Variants in ITGA8 observed in about 807,000 individuals in gnomAD.
The protein encoded by ITGA8 is integrin alpha-8.
In ITGA8, 91 loss-of-function variants were observed where a neutral mutation model predicts 142.3. The observed-to-expected ratio is 0.64, with a 90% confidence interval of 0.54 to 0.76. ITGA8 has a LOEUF of 0.76. Among genes scored for constraint, ITGA8 ranks in the 30% least tolerant of loss-of-function variants. The pLI, the probability that ITGA8 is intolerant of heterozygous loss-of-function variation, is 0.00. For missense variants in ITGA8, 1,406 were observed against 1,327.7 expected, an observed-to-expected ratio of 1.06 and a Z score of -0.92; for synonymous variants, 505 against 485.2, an observed-to-expected ratio of 1.04 and a Z score of -0.54.
chr10:15,646,182 G>A (rs928479358), intron 12 of ITGA8, among the ~76,000 whole-genome samples: 4 of 152,164 alleles, frequency 2.6e-5, no homozygotes, highest in African/African-American at 7.2e-5. Flanking sequence ...TTGCTTGGAC[G>A]TCAGAGCAAT....
chr10:15,531,806 A>C (rs1002240991), intron 27 of ITGA8, among the ~76,000 whole-genome samples: 2 of 151,572 alleles, frequency 1.3e-5, no homozygotes, highest in South Asian at 4.2e-4. Context: ...ATAGCTTGGC[A>C]TAGTGGCAAG....
At chr10:15,602,737 CA>C (rs10667953) in intron 20 of ITGA8, among the ~76,000 whole-genome samples, 37 of 148,846 alleles carry the variant, frequency 2.5e-4, no homozygotes, top group East Asian at 7.9e-4. Flanking sequence ...GACCCTGTCT[CA>C]AAAAAAAAAA....
At chr10:15,648,492 AATACT>A (rs1373151951) in intron 11 of ITGA8, among the ~76,000 whole-genome samples, 1 of 150,108 alleles carries the variant, frequency 6.7e-6, no homozygotes, top group East Asian at 1.9e-4. Context: ...GTCAAGAAAC[AATACT>A]ATATTAATAT....
At chr10:15,519,037 C>T (rs528726641) in intron 29 of ITGA8, among the ~76,000 whole-genome samples, 1 of 152,196 alleles carries the variant, frequency 6.6e-6, no homozygotes, top group East Asian at 1.9e-4. Context: ...GCCTAACTCT[C>T]TCTACATTTA....
intron 8 of ITGA8, among the ~76,000 whole-genome samples, chr10:15,666,641 T>C: frequency 6.6e-6 from 1 of 152,220 alleles, no homozygotes; most frequent in East Asian, 1.9e-4. Flanking sequence ...TTCAGTATGA[T>C]ATTGGCTGTG....
At chr10:15,531,486 G>T (rs1052524291) in intron 27 of ITGA8, among the ~76,000 whole-genome samples, 2 of 126,252 alleles carry the variant, frequency 1.6e-5, no homozygotes, top group African/African-American at 5.9e-5. Flanking sequence ...TGTATAATAA[G>T]GTTAAAATAA....
chr10:15,547,002 A>G (rs1352969141), intron 27 of ITGA8, among the ~76,000 whole-genome samples: 1 of 152,164 alleles, frequency 6.6e-6, no homozygotes, highest in Non-Finnish European at 1.5e-5. Context: ...TAAATCATAG[A>G]AAACATAAAA....
chr10:15,582,544 T>C (rs1834428269), intron 23 of ITGA8, among the ~76,000 whole-genome samples: 1 of 152,176 alleles, frequency 6.6e-6, no homozygotes, highest in Non-Finnish European at 1.5e-5. Context: ...GTAAATGGCT[T>C]TGTATACAGA....
At chr10:15,565,994 C>A (rs1322684836) in intron 25 of ITGA8, among the ~76,000 whole-genome samples, 1 of 151,936 alleles carries the variant, frequency 6.6e-6, no homozygotes, top group Non-Finnish European at 1.5e-5. Flanking sequence ...CGAGCGCCTG[C>A]ATTCTGAATT....
chr10:15,558,307 A>G, intron 25 of ITGA8, 105 bp from the exon 26 acceptor site: 3 of 1,333,744 alleles, frequency 2.2e-6, no homozygotes, highest in African/African-American at 2.9e-5. Flanking sequence ...GTGGAATATG[A>G]TTCACATGAG....
At chr10:15,658,084 A>G (rs1459446652) in intron 10 of ITGA8, among the ~76,000 whole-genome samples, 2 of 152,238 alleles carry the variant, frequency 1.3e-5, no homozygotes, top group African/African-American at 4.8e-5. Context: ...AGGAGTTGTT[A>G]TGTGCCAGGG....
chr10:15,532,416 C>A (rs1315473240), intron 27 of ITGA8, among the ~76,000 whole-genome samples: 1 of 56,136 alleles, frequency 1.8e-5, no homozygotes, highest in Non-Finnish European at 3.2e-5. Context: ...GAGACTCCCT[C>A]TCAAAAAAAA....
intron 27 of ITGA8, among the ~76,000 whole-genome samples, chr10:15,543,876 C>T (rs527853919): frequency 3.9e-5 from 6 of 152,054 alleles, no homozygotes; most frequent in East Asian, 3.9e-4. Context: ...ATCCAGTGAG[C>T]GTCCTTATAA....
intron 26 of ITGA8, among the ~76,000 whole-genome samples, chr10:15,551,717 G>GT (rs1051535694): frequency 6.6e-6 from 1 of 152,202 alleles, no homozygotes; most frequent in Non-Finnish European, 1.5e-5. Flanking sequence ...ATGGGATTCA[G>GT]TAAGTTGTTT....
chr10:15,618,706 C>G (rs1043162373), intron 13 of ITGA8, among the ~76,000 whole-genome samples: 1 of 152,186 alleles, frequency 6.6e-6, no homozygotes, highest in African/African-American at 2.4e-5. Context: ...GTCTTTTGGA[C>G]TCCATCTTTC....
intron 11 of ITGA8, among the ~76,000 whole-genome samples, chr10:15,649,280 T>C: frequency 6.6e-6 from 1 of 151,960 alleles, no homozygotes; most frequent in Non-Finnish European, 1.5e-5. Context: ...ATATACTATA[T>C]ATTGTTACAA....
At chr10:15,591,405 A>ATATAT (rs3041564) in intron 22 of ITGA8, among the ~76,000 whole-genome samples, 13,697 of 143,648 alleles carry the variant, frequency 0.095, 673 homozygotes, top group African/African-American at 0.12. Flanking sequence ...CTGTATTAAT[A>ATATAT]TATATTATAT....
At chr10:15,546,786 C>A (rs113156526) in intron 27 of ITGA8, among the ~76,000 whole-genome samples, 8,228 of 132,984 alleles carry the variant, frequency 0.062, 731 homozygotes, top group African/African-American at 0.21. Context: ...ACAGAAAAAG[C>A]AATGAAAAAA....
rs555740292 is a variant in ITGA8, at chr10:15,671,619, A to G, written c.831T>C (p.Thr277=). The change falls in exon 8 of 30, where the codon ACT becomes ACC. Residue 277 remains threonine, a synonymous_variant. Transcript: ENST00000378076. ...LGYSVAAGEF[T]GDSQQELVAG... ...GCCTCTCACCTTGCTGAGAATCCCC[A>G]GTAAACTCCCCAGCAGCAACTGAGT... 6.8e-6 allele frequency: 11 copies of G among 1,612,956 alleles called. No homozygotes were observed. In the East Asian group the frequency reaches 1.3e-4, roughly 20 times the overall value.
Sources: allele counts gnomAD v4.1 joint callset (sites outside exome capture counted in the v4.1 genomes callset), GRCh38; gene constraint gnomAD v4.1.1; transcripts MANE v1.5; gene names NCBI Gene and HGNC (gene_info 2026-07-23, HGNC 2026-07-21).